CRB2: variants seen among roughly 807,000 people sequenced by gnomAD.
CRB2 encodes crumbs cell polarity complex component 2, also known as protein crumbs homolog 2.
CRB2 carries 85 observed loss-of-function variants against 110.9 expected under a neutral mutation model. That is an observed-to-expected ratio of 0.77 (90% confidence interval 0.64 to 0.92). CRB2 has a LOEUF of 0.92. Ranked by LOEUF, CRB2 falls within the 40% of genes least tolerant of loss-of-function variation. The probability of loss-of-function intolerance (pLI) is 0.00; values close to 1 mark genes in which losing one functional copy is unlikely to be tolerated. For synonymous variants in CRB2, 907 were observed against 831.0 expected (o/e 1.09, Z -1.57); for missense variants, 1,843 against 1,851.3 (o/e 1.00, Z 0.08).
chr9:123,363,662 G>C (rs2041895708), intron 2 of CRB2, among the ~76,000 whole-genome samples: 1 of 152,102 alleles, frequency 6.6e-6, no homozygotes, highest in Non-Finnish European at 1.5e-5. Context: ...CTGGCCTCTG[G>C]GTCTCCCCCA....
chr9:123,377,043 CGGA>C lies in CRB2; in HGVS notation c.3844_3846del (p.Glu1282del), dbSNP rs766317809. 7 of 1,588,856 alleles carry C rather than the reference CGGA, an allele frequency of 4.4e-6. No individual in the cohort carries two copies. In the Admixed American group the frequency reaches 1.2e-4, roughly 28 times the overall value. On this transcript the variant is annotated inframe_deletion, in exon 13 of 13. Transcript: ENST00000373631. The stretch of plus-strand genomic sequence containing the variant: ...ATGGACAGTGTCCTCAAGGTGCCAC[CGGA>C]GGAGAGACTCATCTAGGCCAGCCTG...
intron 11 of CRB2, 109 bp downstream of exon 11, chr9:123,374,804 T>C: frequency 1.4e-6 from 1 of 698,234 alleles, no homozygotes; most frequent in Non-Finnish European, 2.4e-6. Flanking sequence ...CCCTCCCTGG[T>C]ATCACAGTCA....
At chr9:123,367,446 ACC>A in intron 5 of CRB2, 89 bp downstream of exon 5, 1 of 130,642 alleles carries the variant, frequency 7.7e-6, no homozygotes. Flanking sequence ...CCACCCCCCC[ACC>A]CCACACCCCA....
At chr9:123,356,083 G>C (rs558478146), upstream of CRB2, 3 of 452,322 alleles carry the variant, frequency 6.6e-6, no homozygotes, top group East Asian at 6.8e-5. Flanking sequence ...GGACGTCCAC[G>C]AGGTGGAGCA....
chr9:123,355,229 C>T (rs1214439937), upstream of CRB2, among the ~76,000 whole-genome samples: 2 of 152,174 alleles, frequency 1.3e-5, no homozygotes, highest in South Asian at 2.1e-4. Flanking sequence ...TCCTCCTGTC[C>T]ACCCCAACAA....
intron 5 of CRB2, 73 bp downstream of exon 5, chr9:123,367,430 C>A (rs2041951170): frequency 1.2e-5 from 3 of 249,526 alleles, no homozygotes; most frequent in South Asian, 6.4e-5. Context: ...CACCCCCCCA[C>A]CCCCCCCACC....
chr9:123,367,417 G>GGGGC, intron 5 of CRB2, 60 bp downstream of exon 5: 6 of 1,269,162 alleles, frequency 4.7e-6, no homozygotes, highest in Non-Finnish European at 6.2e-6. Context: ...GGGATCTTGT[G>GGGGC]CCCACCCCCC....
chr9:123,359,032 A>G (rs2041830906), intron 1 of CRB2, among the ~76,000 whole-genome samples: 1 of 152,166 alleles, frequency 6.6e-6, no homozygotes, highest in Non-Finnish European at 1.5e-5. Context: ...CTGTGCTCTG[A>G]GCCCAAACTC....
In CRB2 at chr9:123,368,426, G is replaced by C. The variant is rs145371470; in HGVS notation, c.1054+740G>C. Among the ~76,000 whole-genome samples the C allele has an allele frequency of 3.6e-3, 551 of 152,328 alleles. 3 individuals are homozygous for C. Among genetic ancestry groups the C allele is most frequent in the Non-Finnish European group, 4.6e-3 (313 of 68,014 alleles). ...CATGGGCCGAGGTTCCCCAAGTCCT[G>C]CTCCAAGAGCCATGGCCTCCTGGGT... On this transcript the variant is annotated intron_variant, in intron 6 of 12. Transcript: ENST00000373631.
At position 123,370,464 on chromosome 9, in the gene CRB2, G is replaced by A. The variant is rs779153310; in HGVS notation, c.1411G>A (p.Ala471Thr). The A allele has an allele frequency of 3.1e-6, 5 of 1,613,320 alleles. No individual in the cohort carries two copies. Among genetic ancestry groups the A allele is most frequent in the Admixed American group, 1.7e-5 (1 of 60,006 alleles). The change falls in exon 7 of 13, where the codon GCT becomes ACT. Residue 471 changes from alanine (A) to threonine (T), a missense_variant. Ala to Thr is a moderately conservative substitution (Grantham distance 58, BLOSUM62 0). Coordinates refer to ENST00000373631, the MANE Select transcript of CRB2 (RefSeq NM_173689.7). Reference sequence around the variant, plus strand: ...ACTGAGGTTTCGCACCACACTGCCCGCTGGGACCTTGGCCACTCGCAATGA... The same window carrying A: ...ACTGAGGTTTCGCACCACACTGCCCACTGGGACCTTGGCCACTCGCAATGA... ...LALRFRTTLPAGTLATRNDTK... is the reference protein window; with the variant it reads ...LALRFRTTLPTGTLATRNDTK...
In CRB2 at chr9:123,377,125, G is replaced by A; in HGVS notation, c.*63G>A. The A allele has an allele frequency of 7.2e-7, 1 of 1,394,404 alleles. No individual in the cohort carries two copies. Among genetic ancestry groups the A allele is most frequent in the South Asian group, 1.5e-5 (1 of 66,926 alleles). The allele number at this position is 1,394,404 out of a possible 1,614,324, so 86.4% of individuals were successfully genotyped here. On this transcript the variant is annotated 3_prime_UTR_variant, in exon 13 of 13. Coordinates refer to ENST00000373631, the MANE Select transcript of CRB2 (RefSeq NM_173689.7). ...GAATGGTTTCTACCTGGAGACCCAA[G>A]GAAGCTGCTTCCAGGGCTCGGGACA...
chr9:123,357,759 C>A (rs1277732012), intron 1 of CRB2, among the ~76,000 whole-genome samples: 2 of 152,216 alleles, frequency 1.3e-5, no homozygotes, highest in African/African-American at 4.8e-5. Flanking sequence ...GTGTGGCATG[C>A]CCAAGGGCAC....
intron 10 of CRB2, 107 bp downstream of exon 10, chr9:123,374,027 C>T (rs1323693062): frequency 8.0e-6 from 11 of 1,368,866 alleles, no homozygotes; most frequent in East Asian, 7.5e-5. Context: ...CCCTGGTCCT[C>T]ATGTCCTTAT....
Position 123,366,361 on chromosome 9 carries a change from G to A in CRB2, c.749G>A (p.Trp250Ter). 5 of 1,548,886 alleles carry A rather than the reference G, an allele frequency of 3.2e-6. No individual in the cohort carries two copies. Among genetic ancestry groups the A allele is most frequent in the South Asian group, 1.2e-5 (1 of 84,574 alleles). Reference sequence around the variant, plus strand: ...CTCGGGAGCTTCCGCTGCCTCTGTTGGCCAGGTGTGTGCGTGCAGGTGCGC... The same window carrying A: ...CTCGGGAGCTTCCGCTGCCTCTGTTAGCCAGGTGTGTGCGTGCAGGTGCGC... ...EGLGSFRCLC[W>*]PGYSGELCEV... The change falls in exon 4 of 13, where the codon TGG becomes TAG. Residue 250 changes from tryptophan (W) to a stop codon, truncating the protein, a stop_gained. Coordinates refer to ENST00000373631, the MANE Select transcript of CRB2 (RefSeq NM_173689.7). LOFTEE classifies it high-confidence loss of function.
At position 123,366,325 on chromosome 9, in the gene CRB2, G is replaced by A; in HGVS notation, c.713G>A (p.Cys238Tyr). ...ASAPCEHNAS[C>Y]LEGLGSFRCL... ...GCGCCCTGCGAGCACAACGCGTCCT[G>A]CCTCGAGGGCCTCGGGAGCTTCCGC... Residue 238 changes from cysteine (C) to tyrosine (Y), a missense_variant, in exon 4 of 13, where the codon TGC becomes TAC. Transcript: ENST00000373631. 2 of 1,541,112 alleles carry A rather than the reference G, an allele frequency of 1.3e-6. No homozygotes were observed. The highest frequency in any genetic ancestry group is 1.7e-6 in the Non-Finnish European group (2 of 1,156,550).
chr9:123,373,019 T>A, intron 9 of CRB2, 115 bp from the exon 10 acceptor site: 2 of 806,546 alleles, frequency 2.5e-6, no homozygotes, highest in Admixed American at 3.6e-5. Flanking sequence ...GATAGGTGGG[T>A]GCGTGTGCCC....
At position 123,370,945 on chromosome 9, in the gene CRB2, G is replaced by T. The variant is rs766179058; in HGVS notation, c.1892G>T (p.Cys631Phe). ...CTGTGGACTCATTTCCGTTGCGACT[G>T]TGCCCGGCCCCATAGAGGTCCCACG... ...VDLWTHFRCD[C>F]ARPHRGPTCA... is the part of the protein sequence containing the mutation. The change falls in exon 7 of 13, where the codon TGT becomes TTT. Residue 631 changes from cysteine to phenylalanine, a missense_variant. Transcript: ENST00000373631. 3.1e-6 allele frequency: 5 copies of T among 1,608,788 alleles called. No homozygotes were observed. In the South Asian group the frequency reaches 5.5e-5, roughly 18 times the overall value.
In CRB2 at chr9:123,373,453, G is replaced by A. The variant is rs1202821032; in HGVS notation, c.2922G>A (p.Leu974=). The A allele has an allele frequency of 6.9e-7, 1 of 1,454,282 alleles. No homozygotes were observed. Among genetic ancestry groups the A allele is most frequent in the Non-Finnish European group, 9.0e-7 (1 of 1,110,188 alleles). 90.1% of individuals were successfully genotyped at this position (1,454,282 alleles called of 1,614,324 possible). A position where few individuals can be genotyped will look rare whatever the true frequency, so the allele number is the denominator to read the frequency against. ...CGGCGGCCACCACCTCGCGCTGGCTGCTGTGGCTGGATGGTGCCGCCACCC... is the reference window on the plus strand; with the variant it reads ...CGGCGGCCACCACCTCGCGCTGGCTACTGTGGCTGGATGGTGCCGCCACCC... ...ERPAATTSRW[L]LWLDGAATPV... Residue 974 remains leucine, a synonymous_variant, in exon 10 of 13, where the codon CTG becomes CTA. Coordinates refer to ENST00000373631, the MANE Select transcript of CRB2 (RefSeq NM_173689.7).
At chr9:123,376,279 C>T (rs2042102135) in intron 12 of CRB2, among the ~76,000 whole-genome samples, 1 of 152,220 alleles carries the variant, frequency 6.6e-6, no homozygotes. Flanking sequence ...TCCTCGCATC[C>T]TGGGACTACA....
Sources: allele counts gnomAD v4.1 joint callset (sites outside exome capture counted in the v4.1 genomes callset), GRCh38; gene constraint gnomAD v4.1.1; transcripts MANE v1.5; gene names NCBI Gene and HGNC (gene_info 2026-07-23, HGNC 2026-07-21).